Variants in COL14A1 observed in about 807,000 individuals in gnomAD.
The protein encoded by COL14A1 is collagen alpha-1(XIV) chain.
In COL14A1, 136 loss-of-function variants were observed where a neutral mutation model predicts 230.3. The observed-to-expected ratio is 0.59, with a 90% CI of 0.51 to 0.68. The LOEUF is 0.68. Ranked by LOEUF, COL14A1 falls within the 30% of genes least tolerant of loss-of-function variation. The pLI is 0.00. For synonymous variants in COL14A1, 792 were observed against 784.1 expected (o/e 1.01, Z -0.17); for missense variants, 1,976 against 2,215.8 (o/e 0.89, Z 2.17).
intron 3 of COL14A1, among the ~76,000 whole-genome samples, chr8:120,162,196 A>C (rs1815700770): frequency 6.6e-6 from 1 of 152,250 alleles, no homozygotes; most frequent in Admixed American, 6.5e-5. Flanking sequence ...AATTAGGTGC[A>C]ATACACATAT....
chr8:120,212,435 GT>G lies in COL14A1; in HGVS notation c.1468-12del. On this transcript the variant is annotated splice_polypyrimidine_tract_variant and intron_variant, in intron 12 of 47. Transcript: ENST00000297848. ...GTATTGGCAAATGATCTAACAACAT[GT>G]GTTCTTTTCAGATGAAAATTGGAGA... 6.2e-7 allele frequency: 1 copy of G among 1,612,278 alleles called. No individual in the cohort carries two copies. Among genetic ancestry groups the G allele is most frequent in the South Asian group, 1.1e-5 (1 of 90,942 alleles).
chr8:120,201,913 G>A (rs1817262234), intron 8 of COL14A1, among the ~76,000 whole-genome samples: 1 of 142,172 alleles, frequency 7.0e-6, no homozygotes, highest in Non-Finnish European at 1.5e-5. Context: ...TGAGGGAGAA[G>A]CAAAATTGGG....
In COL14A1 at chr8:120,203,814, A is replaced by T. The variant is rs1817338347; in HGVS notation, c.983A>T (p.Glu328Val). The T allele has an allele frequency of 6.2e-7, 1 of 1,613,894 alleles. No homozygotes were observed. The highest frequency in any genetic ancestry group is 1.7e-5 in the Admixed American group (1 of 59,980). Residue 328 changes from glutamate to valine, a missense_variant, in exon 9 of 48, where the codon GAG becomes GTG. Coordinates refer to ENST00000297848, the MANE Select transcript of COL14A1 (RefSeq NM_021110.4). ...TTCGATCTGATGCACACAGTTGTGG[A>T]GAGTCTGACCAGGACTCTCTGCTCT... ...AEFDLMHTVV[E>V]SLTRTLCSRV...
chr8:120,255,359 G>A lies in COL14A1; in HGVS notation c.2869+3G>A, dbSNP rs373183893. ...GGTTGTTATAGAATCCCTCCAGGGT[G>A]AGTACAATCCATCACTTACGTTTTT... On this transcript the variant is annotated splice_donor_region_variant and intron_variant, in intron 23 of 47. Transcript: ENST00000297848. 167 of 1,597,420 alleles carry A rather than the reference G, an allele frequency of 1.0e-4. No individual in the cohort carries two copies. In the African/African-American group the frequency reaches 1.9e-3, roughly 19 times the overall value.
At chr8:120,368,678 A>G in intron 46 of COL14A1, among the ~76,000 whole-genome samples, 1 of 151,918 alleles carries the variant, frequency 6.6e-6, no homozygotes, top group East Asian at 1.9e-4. Context: ...ATTTTTACTC[A>G]GTCTGAATTC....
Position 120,206,928 on chromosome 8 carries a change from G to GT in COL14A1, c.1040-8dup, listed in dbSNP as rs768415013. The GT allele has an allele frequency of 6.3e-5, 100 of 1,588,136 alleles. No homozygotes were observed. In the African/African-American group the frequency reaches 8.9e-4, roughly 14 times the overall value. ...TTTGGGTAAGAGGTTTATTTGATATGTTTTTTTAATTTAGCCTCAGCCCAT... is the reference window on the plus strand; with the variant it reads ...TTTGGGTAAGAGGTTTATTTGATATGTTTTTTTTAATTTAGCCTCAGCCCAT... On this transcript the variant is annotated splice_polypyrimidine_tract_variant and intron_variant, in intron 9 of 47. Coordinates refer to ENST00000297848, the MANE Select transcript of COL14A1 (RefSeq NM_021110.4).
chr8:120,334,883 T>A (rs1465118231), intron 42 of COL14A1, among the ~76,000 whole-genome samples: 3 of 152,154 alleles, frequency 2.0e-5, no homozygotes, highest in Non-Finnish European at 4.4e-5. Flanking sequence ...TTCTCAGAAA[T>A]TCATGGGAAG....
chr8:120,263,055 A>G lies in COL14A1; in HGVS notation c.3016+41A>G, dbSNP rs201060029. On this transcript the variant is annotated intron_variant, in intron 24 of 47. Coordinates refer to ENST00000297848, the MANE Select transcript of COL14A1 (RefSeq NM_021110.4). The stretch of plus-strand genomic sequence containing the variant: ...TCTCTCCTGATCCCTCTCCCCATGA[A>G]CAAACAGAATTTCAGGCATCCTGTT... 121 of 1,524,328 alleles carry G rather than the reference A, an allele frequency of 7.9e-5. No homozygotes were observed. In the African/African-American group the frequency reaches 1.5e-3, roughly 19 times the overall value. The allele number at this position is 1,524,328 out of a possible 1,614,324, so 94.4% of individuals were successfully genotyped here. A position where few individuals can be genotyped will look rare whatever the true frequency, so the allele number is the denominator to read the frequency against.
intron 14 of COL14A1, among the ~76,000 whole-genome samples, chr8:120,218,656 G>GAAGA (rs1817839016): frequency 6.6e-6 from 1 of 152,170 alleles, no homozygotes; most frequent in Non-Finnish European, 1.5e-5. Flanking sequence ...CATGAATGCA[G>GAAGA]AAGAAATTCT....
intron 45 of COL14A1, among the ~76,000 whole-genome samples, chr8:120,348,186 G>A (rs1433677342): frequency 3.4e-5 from 5 of 145,070 alleles, no homozygotes; most frequent in African/African-American, 7.6e-5. Flanking sequence ...TATATATGAA[G>A]CATATATAAA....
chr8:120,249,690 T>A (rs1427048468), intron 21 of COL14A1, among the ~76,000 whole-genome samples: 1 of 152,188 alleles, frequency 6.6e-6, no homozygotes, highest in Non-Finnish European at 1.5e-5. Context: ...CATGCTACAA[T>A]GGACAGTACT....
At chr8:120,244,066 C>A in intron 20 of COL14A1, 58 bp downstream of exon 20, 3 of 1,572,502 alleles carry the variant, frequency 1.9e-6, no homozygotes, top group Non-Finnish European at 1.7e-6. Context: ...AAATGCTTGT[C>A]CCCTGTAATG....
intron 20 of COL14A1, among the ~76,000 whole-genome samples, chr8:120,246,377 A>T (rs943741250): frequency 2.0e-5 from 3 of 152,204 alleles, no homozygotes; most frequent in African/African-American, 7.2e-5. Context: ...GCAGAGCTAT[A>T]GGGAGATTTC....
intron 23 of COL14A1, 106 bp downstream of exon 23, chr8:120,255,462 T>A (rs113685893): frequency 1.0e-5 from 9 of 863,312 alleles, no homozygotes; most frequent in African/African-American, 9.9e-5. Flanking sequence ...AGCCCTCTTG[T>A]CAAGGAAGCA....
chr8:120,205,934 G>A lies in COL14A1; in HGVS notation c.1040-1009G>A, dbSNP rs182304953. Among the ~76,000 whole-genome samples the A allele has an allele frequency of 2.0e-3, 307 of 152,254 alleles. 2 individuals carry two copies. Among genetic ancestry groups the A allele is most frequent in the African/African-American group, 7.2e-3 (299 of 41,540 alleles). ...ACATATTGTATTCCCCTTCCACTTA[G>A]ATTTTGCATGTCCCAAATTTTTATA... On this transcript the variant is annotated intron_variant, in intron 9 of 47. Coordinates refer to ENST00000297848, the MANE Select transcript of COL14A1 (RefSeq NM_021110.4).
At chr8:120,358,847 A>G (rs1170592653) in intron 45 of COL14A1, among the ~76,000 whole-genome samples, 2 of 152,162 alleles carry the variant, frequency 1.3e-5, no homozygotes, top group South Asian at 2.1e-4. Context: ...TTTCAAAGCC[A>G]TGACTGTAAT....
intron 20 of COL14A1, among the ~76,000 whole-genome samples, chr8:120,247,024 A>C (rs1315333219): frequency 2.6e-5 from 4 of 152,234 alleles, no homozygotes; most frequent in African/African-American, 9.6e-5. Flanking sequence ...GATTGAATTC[A>C]ATTATACCTA....
intron 7 of COL14A1, among the ~76,000 whole-genome samples, chr8:120,198,978 G>A (rs1817137840): frequency 6.6e-6 from 1 of 152,102 alleles, no homozygotes; most frequent in Admixed American, 6.5e-5. Flanking sequence ...TATTAGATTT[G>A]TCCCTTCTAC....
intron 13 of COL14A1, among the ~76,000 whole-genome samples, chr8:120,213,766 A>G (rs1171478691): frequency 6.6e-6 from 1 of 152,220 alleles, no homozygotes; most frequent in Non-Finnish European, 1.5e-5. Flanking sequence ...GTCCTAAAAA[A>G]TGATATCCTA....
Sources: allele counts gnomAD v4.1 joint callset (sites outside exome capture counted in the v4.1 genomes callset), GRCh38; gene constraint gnomAD v4.1.1; transcripts MANE v1.5; gene names NCBI Gene and HGNC (gene_info 2026-07-23, HGNC 2026-07-21).